The following LRP6 variants were observed in gnomAD, a reference collection of about 807,000 sequenced individuals.
LRP6 encodes low-density lipoprotein receptor-related protein 6.
A neutral mutation model predicts 184.1 loss-of-function variants in LRP6; 43 were observed. The ratio of observed to expected loss-of-function variants is 0.23; its 90% CI spans 0.18 to 0.30. The LOEUF (loss-of-function observed/expected upper bound fraction) is 0.30, where lower values mean the gene tolerates loss of function less well. Among genes scored for constraint, LRP6 ranks in the 10% least tolerant of loss-of-function variants. LRP6 has a pLI of 1.00. For synonymous variants in LRP6, 719 were observed against 684.9 expected (o/e 1.05, Z -0.78); for missense variants, 1,571 against 2,005.3 (o/e 0.78, Z 4.14).
At chr12:12,171,417 G>T (rs1863039373) in intron 7 of LRP6, among the ~76,000 whole-genome samples, 1 of 152,044 alleles carries the variant, frequency 6.6e-6, no homozygotes, top group Non-Finnish European at 1.5e-5. Context: ...AGCTACTCAG[G>T]AGGTTGAGGC....
intron 16 of LRP6, among the ~76,000 whole-genome samples, chr12:12,136,247 T>A (rs1949837734): frequency 6.6e-6 from 1 of 152,170 alleles, no homozygotes. Context: ...ATTATTCTAT[T>A]TAAAATATAA....
chr12:12,232,586 C>CAAA (rs34155963), intron 2 of LRP6, among the ~76,000 whole-genome samples: 12 of 115,676 alleles, frequency 1.0e-4, no homozygotes, highest in East Asian at 4.4e-4. Context: ...CCAGCAGGTG[C>CAAA]AAAAAAAAAA....
intron 3 of LRP6, among the ~76,000 whole-genome samples, chr12:12,197,659 A>G (rs1403589178): frequency 6.6e-6 from 1 of 152,234 alleles, no homozygotes; most frequent in East Asian, 1.9e-4. Flanking sequence ...CAGGAGCAAT[A>G]TATGTCCTAA....
intron 2 of LRP6, among the ~76,000 whole-genome samples, chr12:12,238,542 A>T (rs544740354): frequency 2.1e-4 from 32 of 152,244 alleles, no homozygotes; most frequent in South Asian, 6.2e-4. Context: ...CAAAAATATT[A>T]AAAAAGATAA....
chr12:12,200,473 G>A (rs1379960052), intron 3 of LRP6, among the ~76,000 whole-genome samples: 1 of 152,092 alleles, frequency 6.6e-6, no homozygotes, highest in Non-Finnish European at 1.5e-5. Flanking sequence ...CACTGGTACT[G>A]CCACCATCTC....
chr12:12,263,099 C>CA (rs11286701), intron 1 of LRP6, among the ~76,000 whole-genome samples: 59,438 of 128,818 alleles, frequency 0.46, 13,636 homozygotes, highest in East Asian at 0.74. Flanking sequence ...ACTAAAAATA[C>CA]AAAAAAAAAA....
intron 3 of LRP6, among the ~76,000 whole-genome samples, chr12:12,188,422 C>T (rs1319592090): frequency 1.3e-5 from 2 of 151,958 alleles, no homozygotes; most frequent in East Asian, 3.9e-4. Context: ...GCATAAGCTA[C>T]TGAAGAGAAA....
chr12:12,154,012 C>G (rs116846292), intron 12 of LRP6, among the ~76,000 whole-genome samples: 1 of 152,202 alleles, frequency 6.6e-6, no homozygotes, highest in Non-Finnish European at 1.5e-5. Flanking sequence ...TCCTTAGCCA[C>G]GCCATACACC....
In LRP6 at chr12:12,117,512, G is replaced by A. The variant is rs1001260118; in HGVS notation, c.*3614C>T. On this transcript the variant is annotated 3_prime_UTR_variant, in exon 23 of 23. Transcript: ENST00000261349. ...TTCCTATGGCATGCAAATGAATGAA[G>A]TGGGACAAAGCTTCCCCTACAAGAA... is the stretch of plus-strand genomic sequence containing the variant. The A allele has an allele frequency of 6.6e-6, 1 of 152,214 alleles. No individual in the cohort carries two copies. Among genetic ancestry groups the A allele is most frequent in the African/African-American group, 2.4e-5 (1 of 41,454 alleles). The allele number at this position is 152,214 out of a possible 1,614,324, so 9.4% of individuals were successfully genotyped here.
Position 12,130,779 on chromosome 12 carries a change from T to G in LRP6, c.4081+4A>C. 2 of 1,589,028 alleles carry G rather than the reference T, an allele frequency of 1.3e-6. No homozygotes were observed. Among genetic ancestry groups the G allele is most frequent in the Non-Finnish European group, 1.7e-6 (2 of 1,157,142 alleles). The stretch of plus-strand genomic sequence containing the variant: ...AGTAATTTATAGATCTCAGTCCTAC[T>G]TACAACAATCCAGTTCATCTGACTT... On this transcript the variant is annotated splice_donor_region_variant and intron_variant, in intron 19 of 22. Transcript: ENST00000261349.
intron 3 of LRP6, among the ~76,000 whole-genome samples, chr12:12,199,992 A>C (rs1454146423): frequency 4.0e-5 from 6 of 148,386 alleles, no homozygotes; most frequent in African/African-American, 1.5e-4. Flanking sequence ...AAAAAAAAAA[A>C]AAACACAAGG....
intron 2 of LRP6, among the ~76,000 whole-genome samples, chr12:12,220,199 G>C (rs1217709563): frequency 6.6e-6 from 1 of 151,578 alleles, no homozygotes; most frequent in Non-Finnish European, 1.5e-5. Flanking sequence ...GAGGCAGGAG[G>C]ATCACTTGAA....
rs1055110583 is a variant in LRP6 at position 12,253,051 on chromosome 12, G to A, written c.56-8396C>T. On this transcript the variant is annotated intron_variant, in intron 1 of 22. Coordinates refer to ENST00000261349, the MANE Select transcript of LRP6 (RefSeq NM_002336.3). ...GGCTGATGCAGGTTGATCACCTGAG[G>A]TGAGGAGTTTGAGACCAGCCTGGCC... Among the ~76,000 whole-genome samples the A allele has an allele frequency of 2.6e-5, 4 of 152,092 alleles. No homozygotes were observed. The South Asian group carries it at 8.3e-4, about 32-fold the overall frequency.
In LRP6 at chr12:12,215,012, C is replaced by T. The variant is rs114135068; in HGVS notation, c.450-11612G>A. Among the ~76,000 whole-genome samples, 835 of 152,292 alleles carry T rather than the reference C, an allele frequency of 5.5e-3. 8 individuals carry two copies. The highest frequency in any genetic ancestry group is 0.019 in the African/African-American group (775 of 41,552). ...TTTCTTCCCTGCTATATGAACCCTT[C>T]GTTTTAGTCACTCAGGGAGATGGTT... On this transcript the variant is annotated intron_variant, in intron 2 of 22. Transcript: ENST00000261349.
intron 17 of LRP6, among the ~76,000 whole-genome samples, chr12:12,134,004 T>C (rs1209871573): frequency 1.3e-5 from 2 of 152,158 alleles, no homozygotes; most frequent in Non-Finnish European, 2.9e-5. Flanking sequence ...ACATATCTGA[T>C]TTCCCTGACT....
intron 4 of LRP6, among the ~76,000 whole-genome samples, chr12:12,185,329 A>G (rs1288244389): frequency 6.6e-6 from 1 of 152,120 alleles, no homozygotes; most frequent in Non-Finnish European, 1.5e-5. Flanking sequence ...TTTGAGGGCT[A>G]TGAAGAATAA....
chr12:12,122,375 C>G (rs1949617299), intron 22 of LRP6, among the ~76,000 whole-genome samples: 1 of 152,126 alleles, frequency 6.6e-6, no homozygotes, highest in African/African-American at 2.4e-5. Flanking sequence ...GCTTTCTCAT[C>G]AAAGTGACTA....
At chr12:12,165,588 C>T (rs1862858766) in intron 7 of LRP6, among the ~76,000 whole-genome samples, 1 of 152,188 alleles carries the variant, frequency 6.6e-6, no homozygotes, top group African/African-American at 2.4e-5. Context: ...ATTAAAAATA[C>T]AGTATCATCA....
intron 2 of LRP6, among the ~76,000 whole-genome samples, chr12:12,243,388 G>A (rs879746875): frequency 6.6e-6 from 1 of 151,978 alleles, no homozygotes; most frequent in Non-Finnish European, 1.5e-5. Flanking sequence ...ATTAAATAAC[G>A]CTTCAGAGTG....
Sources: gnomAD v4.1 joint callset for allele counts (sites outside exome capture counted in the v4.1 genomes callset) on GRCh38, gnomAD v4.1.1 for gene constraint, MANE v1.5 for transcripts, NCBI Gene and HGNC (gene_info 2026-07-23, HGNC 2026-07-21) for gene names.